The following SLC5A4 variants were observed in gnomAD, a reference collection of about 807,000 sequenced individuals.
SLC5A4 encodes solute carrier family 5 member 4, also known as probable glucose sensor protein SLC5A4.
A neutral mutation model predicts 70.3 loss-of-function variants in SLC5A4; 55 were observed. The observed-to-expected ratio is 0.78, with a 90% CI of 0.63 to 0.98. The LOEUF (loss-of-function observed/expected upper bound fraction) is 0.98. Among genes scored for constraint, SLC5A4 ranks in the 50% least tolerant of loss-of-function variants. The pLI is 0.00. For missense variants in SLC5A4, 735 were observed against 839.2 expected, an observed-to-expected ratio of 0.88 and a Z score of 1.53; for synonymous variants, 268 against 305.7, an observed-to-expected ratio of 0.88 and a Z score of 1.29.
At chr22:32,307,977 A>C in the SLC5A4 span, among the ~76,000 whole-genome samples, 3 of 152,118 alleles carry the variant, frequency 2.0e-5, no homozygotes, top group Non-Finnish European at 4.4e-5. Flanking sequence ...AAATCAACCC[A>C]CGTGGATGTC....
intron 5 of SLC5A4, among the ~76,000 whole-genome samples, chr22:32,244,637 C>T (rs1052458192): frequency 7.9e-5 from 12 of 152,258 alleles, no homozygotes; most frequent in Non-Finnish European, 1.5e-4. Flanking sequence ...TTCAAGTGAT[C>T]CTTCTGCCTC....
the SLC5A4 span, chr22:32,269,780 C>A: frequency 4.4e-6 from 3 of 682,596 alleles, no homozygotes; most frequent in East Asian, 1.1e-4. The surrounding 1 kb of genome is among the most constrained non-coding windows in gnomAD (Gnocchi z 4.1). Context: ...CCCTGGACTG[C>A]GCCCAGGCCA....
the SLC5A4 span, among the ~76,000 whole-genome samples, chr22:32,265,284 A>T: frequency 1.3e-5 from 2 of 152,222 alleles, no homozygotes; most frequent in Non-Finnish European, 2.9e-5. Context: ...GCTACTGGGG[A>T]GGCTGAGGCA....
intron 11 of SLC5A4, among the ~76,000 whole-genome samples, chr22:32,226,945 T>C (rs913402199): frequency 6.6e-6 from 1 of 152,068 alleles, no homozygotes; most frequent in Non-Finnish European, 1.5e-5. Context: ...CAGAGCACCA[T>C]GGGGCTCACT....
At chr22:32,256,123 CT>C (rs1233199709), upstream of SLC5A4, among the ~76,000 whole-genome samples, 2 of 152,148 alleles carry the variant, frequency 1.3e-5, no homozygotes, top group Admixed American at 6.5e-5. Flanking sequence ...TCAAGACCAG[CT>C]TGGGCAACAT....
At chr22:32,251,162 A>C (rs1261287669) in intron 3 of SLC5A4, among the ~76,000 whole-genome samples, 2 of 150,052 alleles carry the variant, frequency 1.3e-5, no homozygotes, top group East Asian at 1.9e-4. Flanking sequence ...AAAAAAAAAA[A>C]AAAAAAAAAA....
chr22:32,310,332 G>C, the SLC5A4 span, among the ~76,000 whole-genome samples: 103 of 152,144 alleles, frequency 6.8e-4, no homozygotes, highest in Non-Finnish European at 1.3e-3. Flanking sequence ...GAAACTGAGG[G>C]AACAGACCTT....
the SLC5A4 span, among the ~76,000 whole-genome samples, chr22:32,336,449 T>C: frequency 1.3e-5 from 2 of 152,240 alleles, no homozygotes; most frequent in Admixed American, 1.3e-4. Flanking sequence ...GATTCCAAAC[T>C]GGCTGGGTGG....
At chr22:32,257,671 A>T (rs5998345), upstream of SLC5A4, among the ~76,000 whole-genome samples, 165 of 107,586 alleles carry the variant, frequency 1.5e-3, 3 homozygotes, top group South Asian at 0.03. Context: ...TTTTTTTTTA[A>T]TTTTTTTTTT....
In SLC5A4 at chr22:32,239,105, G is replaced by A; in HGVS notation, c.478-15C>T. The A allele has an allele frequency of 6.3e-7, 1 of 1,590,788 alleles. No individual in the cohort carries two copies. The highest frequency in any genetic ancestry group is 8.6e-7 in the Non-Finnish European group (1 of 1,159,076). The stretch of plus-strand genomic sequence containing the variant: ...AATATGTCTGCCTAAAAAGGGAACA[G>A]TCAGGATGAGAAAGAAACATGCATT... On this transcript the variant is annotated splice_polypyrimidine_tract_variant and intron_variant, in intron 5 of 14. Coordinates refer to ENST00000266086, the MANE Select transcript of SLC5A4 (RefSeq NM_014227.3).
the SLC5A4 span, among the ~76,000 whole-genome samples, chr22:32,353,469 G>A: frequency 2.0e-5 from 3 of 152,068 alleles, no homozygotes; most frequent in Non-Finnish European, 4.4e-5. Flanking sequence ...CGGAAACGCT[G>A]TGCATCCGCC....
chr22:32,312,321 AACC>A, the SLC5A4 span, among the ~76,000 whole-genome samples: 1 of 151,100 alleles, frequency 6.6e-6, no homozygotes, highest in Non-Finnish European at 1.5e-5. Context: ...CCCCAATAAA[AACC>A]AACCAACCAA....
chr22:32,321,098 C>T, the SLC5A4 span, among the ~76,000 whole-genome samples: 1 of 152,188 alleles, frequency 6.6e-6, no homozygotes, highest in Admixed American at 6.5e-5. Flanking sequence ...CCAGCCTGAC[C>T]AACATGTTGA....
the SLC5A4 span, among the ~76,000 whole-genome samples, chr22:32,283,330 C>T: frequency 6.6e-6 from 1 of 152,214 alleles, no homozygotes; most frequent in Non-Finnish European, 1.5e-5. Context: ...CTGTGCTTAC[C>T]TTCTCCATGC....
At chr22:32,334,580 T>C in the SLC5A4 span, among the ~76,000 whole-genome samples, 3 of 152,182 alleles carry the variant, frequency 2.0e-5, no homozygotes, top group Non-Finnish European at 4.4e-5. Flanking sequence ...AACCCCCACC[T>C]GACCAAGTCC....
the SLC5A4 span, among the ~76,000 whole-genome samples, chr22:32,299,272 C>T: frequency 6.6e-6 from 1 of 150,736 alleles, no homozygotes; most frequent in Admixed American, 6.6e-5. Flanking sequence ...TTCCATTCTC[C>T]CCATCACTTT....
At chr22:32,333,194 G>GCCCCC in the SLC5A4 span, among the ~76,000 whole-genome samples, 61 of 111,438 alleles carry the variant, frequency 5.5e-4, no homozygotes, top group East Asian at 3.4e-3. Context: ...TCTAGCACTG[G>GCCCCC]CACCCCCCCC....
the SLC5A4 span, among the ~76,000 whole-genome samples, chr22:32,347,617 A>C: frequency 1.3e-5 from 2 of 148,650 alleles, no homozygotes; most frequent in Admixed American, 6.8e-5. Flanking sequence ...AGAAAACCAA[A>C]CACCACATGT....
chr22:32,314,780 G>A, the SLC5A4 span, among the ~76,000 whole-genome samples: 13 of 152,332 alleles, frequency 8.5e-5, no homozygotes, highest in South Asian at 2.1e-4. Flanking sequence ...AGGCAAGGAG[G>A]AGCAAGTCAC....
Sources: allele counts gnomAD v4.1 joint callset (sites outside exome capture counted in the v4.1 genomes callset), GRCh38; gene constraint gnomAD v4.1.1; non-coding constraint Gnocchi (gnomAD v3.1); transcripts MANE v1.5; gene names NCBI Gene and HGNC (gene_info 2026-07-23, HGNC 2026-07-21).